DYNC2H1: variants seen among roughly 807,000 people sequenced by gnomAD.
DYNC2H1 encodes dynein cytoplasmic 2 heavy chain 1, also known as cytoplasmic dynein 2 heavy chain 1.
DYNC2H1 carries 410 observed loss-of-function variants against 570.0 expected under a neutral mutation model. The observed-to-expected ratio is 0.72, with a 90% CI of 0.66 to 0.78. The LOEUF (loss-of-function observed/expected upper bound fraction) is 0.78. DYNC2H1 is among the 30% of genes least tolerant of loss of function. The pLI, the probability that DYNC2H1 is intolerant of heterozygous loss-of-function variation, is 0.00. For missense variants in DYNC2H1, 4,865 were observed against 5,046.4 expected, an observed-to-expected ratio of 0.96 and a Z score of 1.09; for synonymous variants, 1,688 against 1,677.6, an observed-to-expected ratio of 1.01 and a Z score of -0.15.
chr11:103,442,254 G>A (rs1376668360), intron 85 of DYNC2H1, among the ~76,000 whole-genome samples: 2 of 151,946 alleles, frequency 1.3e-5, no homozygotes, highest in Admixed American at 6.6e-5. Context: ...TGAAATTCCT[G>A]TGAACAGGAA....
At chr11:103,425,636 TTTG>T (rs1458816474) in intron 84 of DYNC2H1, among the ~76,000 whole-genome samples, 1 of 152,122 alleles carries the variant, frequency 6.6e-6, no homozygotes, top group Non-Finnish European at 1.5e-5. Flanking sequence ...GGTTTGAATA[TTTG>T]TTAACTGTTT....
chr11:103,361,343 A>ACCT (rs1940628405), intron 83 of DYNC2H1, among the ~76,000 whole-genome samples: 1 of 152,200 alleles, frequency 6.6e-6, no homozygotes, highest in African/African-American at 2.4e-5. Flanking sequence ...TCTGTGAATC[A>ACCT]GGAAGCAGGT....
chr11:103,338,730 T>C (rs938845048), intron 82 of DYNC2H1, among the ~76,000 whole-genome samples: 15 of 152,228 alleles, frequency 9.9e-5, no homozygotes, highest in African/African-American at 3.1e-4. Flanking sequence ...CTCTGTGTTA[T>C]CTTGAAGTTT....
intron 82 of DYNC2H1, among the ~76,000 whole-genome samples, chr11:103,351,282 G>C (rs1940041911): frequency 6.6e-6 from 1 of 152,170 alleles, no homozygotes; most frequent in African/African-American, 2.4e-5. Context: ...TGGTATATCA[G>C]GGTTAAGTCC....
intron 85 of DYNC2H1, among the ~76,000 whole-genome samples, chr11:103,442,939 C>A (rs953792074): frequency 2.0e-5 from 3 of 149,034 alleles, no homozygotes; most frequent in African/African-American, 7.4e-5. Flanking sequence ...TGCAAAATAT[C>A]ATTTCAATGC....
intron 84 of DYNC2H1, among the ~76,000 whole-genome samples, chr11:103,423,182 A>G (rs573521367): frequency 2.6e-5 from 4 of 152,066 alleles, no homozygotes; most frequent in South Asian, 2.1e-4. Context: ...ATGGAAATCA[A>G]TGGAATGAAG....
At chr11:103,346,188 A>T (rs1939735724) in intron 82 of DYNC2H1, among the ~76,000 whole-genome samples, 1 of 152,334 alleles carries the variant, frequency 6.6e-6, no homozygotes, top group Admixed American at 6.5e-5. Flanking sequence ...TTATGAACCC[A>T]GCAGCTGTGG....
chr11:103,441,488 A>G (rs671059), intron 85 of DYNC2H1, among the ~76,000 whole-genome samples: 70,158 of 151,798 alleles, frequency 0.46, 17,786 homozygotes, highest in African/African-American at 0.68. Flanking sequence ...CACTAAAAAG[A>G]AAGCTTCATA....
chr11:103,154,865 A>G (rs1214359030), intron 24 of DYNC2H1, 56 bp downstream of exon 24: 6 of 1,263,074 alleles, frequency 4.8e-6, no homozygotes, highest in Non-Finnish European at 6.5e-6. Flanking sequence ...CTTTCATCTT[A>G]TGTAGTGACT....
Position 103,207,223 on chromosome 11 carries a change from G to GT in DYNC2H1, c.8454+2278dup, listed in dbSNP as rs1010417972. Among the ~76,000 whole-genome samples, 158 of 66,800 alleles carry GT rather than the reference G, an allele frequency of 2.4e-3. 2 individuals are homozygous for GT. In the Middle Eastern group the frequency reaches 0.031, roughly 13 times the overall value. The allele number at this position is 66,800 out of a possible 152,430, so 43.8% of individuals were successfully genotyped here. A position where few individuals can be genotyped will look rare whatever the true frequency, so the allele number is the denominator to read the frequency against. On this transcript the variant is annotated intron_variant, in intron 52 of 88. Coordinates refer to ENST00000375735, the MANE Select transcript of DYNC2H1 (RefSeq NM_001377.3). Reference sequence around the variant, plus strand: ...GGCGTGAGCTACCGTGCCTGGGCCTGTTTTTTTTTTTTTTTTTTTAAAAAA... The same window carrying GT: ...GGCGTGAGCTACCGTGCCTGGGCCTGTTTTTTTTTTTTTTTTTTTTAAAAAA...
intron 75 of DYNC2H1, among the ~76,000 whole-genome samples, chr11:103,296,492 A>T (rs538584792): frequency 6.6e-6 from 1 of 152,340 alleles, no homozygotes; most frequent in East Asian, 1.9e-4. Context: ...TAGCACTAAA[A>T]TTAGTTGATT....
chr11:103,310,699 G>GTTTTT (rs1867545678), intron 78 of DYNC2H1, among the ~76,000 whole-genome samples: 1 of 32,096 alleles, frequency 3.1e-5, no homozygotes, highest in African/African-American at 1.1e-4. Flanking sequence ...TTTTTTTTTT[G>GTTTTT]GGAGACTGAG....
intron 50 of DYNC2H1, among the ~76,000 whole-genome samples, chr11:103,202,641 G>A (rs949767397): frequency 6.6e-6 from 1 of 152,044 alleles, no homozygotes; most frequent in Non-Finnish European, 1.5e-5. Flanking sequence ...GTGGTCTGGT[G>A]CCTCTTAGTT....
intron 59 of DYNC2H1, among the ~76,000 whole-genome samples, chr11:103,230,841 G>A (rs115252441): frequency 0.012 from 1,813 of 152,170 alleles, 37 homozygotes; most frequent in African/African-American, 0.04. Context: ...CTGCACTCTA[G>A]CCTGAGAAAC....
At chr11:103,339,317 C>T (rs901261017) in intron 82 of DYNC2H1, among the ~76,000 whole-genome samples, 1 of 152,122 alleles carries the variant, frequency 6.6e-6, no homozygotes, top group Admixed American at 6.5e-5. Flanking sequence ...GGGGGTCACC[C>T]AAGGCCCATG....
In DYNC2H1 at chr11:103,148,600, C is replaced by T; in HGVS notation, c.2929C>T (p.Gln977Ter). 2.6e-6 allele frequency: 4 copies of T among 1,566,932 alleles called. No homozygotes were observed. The highest frequency in any genetic ancestry group is 3.5e-6 in the Non-Finnish European group (4 of 1,155,042). The change falls in exon 20 of 89, where the codon CAA (glutamine) becomes TAA (stop). Residue 977 changes from glutamine to a stop codon, truncating the protein, a stop_gained. Coordinates refer to ENST00000375735, the MANE Select transcript of DYNC2H1 (RefSeq NM_001377.3). LOFTEE classifies it high-confidence loss of function. Reference protein sequence around the residue: ...GDANLQYSKLQERKPEILPLF... With the variant: ...GDANLQYSKL ...TGCAAATCTACAATATAGTAAGTTA[C>T]AAGAACGGAAGCCAGAGGTGAGAAT... is the stretch of plus-strand genomic sequence containing the variant.
intron 82 of DYNC2H1, among the ~76,000 whole-genome samples, chr11:103,343,881 T>C (rs540836955): frequency 6.6e-6 from 1 of 152,368 alleles, no homozygotes; most frequent in African/African-American, 2.4e-5. Context: ...GTTTCATGGC[T>C]ATAAGAGAAG....
intron 82 of DYNC2H1, among the ~76,000 whole-genome samples, chr11:103,357,367 T>C (rs566935844): frequency 5.3e-5 from 8 of 152,178 alleles, no homozygotes; most frequent in African/African-American, 1.7e-4. Flanking sequence ...CCCATACTTT[T>C]TTCATTAGAG....
At chr11:103,414,693 T>G (rs987521423) in intron 84 of DYNC2H1, among the ~76,000 whole-genome samples, 5 of 152,084 alleles carry the variant, frequency 3.3e-5, no homozygotes, top group Middle Eastern at 3.2e-3. Context: ...ATTTCAGGAT[T>G]CAAAATCAGT....
Sources: gnomAD v4.1 joint callset for allele counts (sites outside exome capture counted in the v4.1 genomes callset) on GRCh38, gnomAD v4.1.1 for gene constraint, MANE v1.5 for transcripts, NCBI Gene and HGNC (gene_info 2026-07-23, HGNC 2026-07-21) for gene names.